Variants in PDZD2 observed in about 807,000 individuals in gnomAD.
PDZD2 encodes PDZ domain containing 2.
PDZD2 carries 90 observed loss-of-function variants against 220.7 expected under a neutral mutation model. The observed-to-expected ratio is 0.41, with a 90% confidence interval of 0.34 to 0.49. The LOEUF is 0.49. Among genes scored for constraint, PDZD2 ranks in the 20% least tolerant of loss-of-function variants. The pLI is 0.28. For missense variants in PDZD2, 3,174 were observed against 3,608.5 expected (o/e 0.88, Z 3.08); for synonymous variants, 1,375 against 1,450.5 (o/e 0.95, Z 1.18).
At chr5:31,904,673 G>A (rs922987440) in intron 2 of PDZD2, among the ~76,000 whole-genome samples, 1 of 151,470 alleles carries the variant, frequency 6.6e-6, no homozygotes, top group African/African-American at 2.4e-5. Flanking sequence ...GACTACAGGC[G>A]CCCACCACCA....
intron 6 of PDZD2, among the ~76,000 whole-genome samples, chr5:32,030,795 T>C (rs1755057855): frequency 1.3e-5 from 2 of 152,214 alleles, no homozygotes; most frequent in South Asian, 4.1e-4. Context: ...CATCAAGTTC[T>C]AGCCTATTCT....
chr5:32,007,203 C>T (rs1752897729), intron 5 of PDZD2, among the ~76,000 whole-genome samples: 1 of 151,842 alleles, frequency 6.6e-6, no homozygotes, highest in African/African-American at 2.4e-5. Flanking sequence ...CAGGCTTGAG[C>T]CACCGCGCCC....
chr5:31,730,705 T>A (rs1438137216), intron 1 of PDZD2, among the ~76,000 whole-genome samples: 2 of 151,990 alleles, frequency 1.3e-5, no homozygotes, highest in Non-Finnish European at 2.9e-5. Context: ...TTCAGGACGG[T>A]CTTGGAATGA....
chr5:31,658,385 T>C (rs1227139398), intron 1 of PDZD2, among the ~76,000 whole-genome samples: 1 of 152,234 alleles, frequency 6.6e-6, no homozygotes, highest in African/African-American at 2.4e-5. Context: ...TTCCTGCTTC[T>C]GAGAAAATTT....
At chr5:31,706,893 C>A (rs1012892653) in intron 1 of PDZD2, among the ~76,000 whole-genome samples, 1 of 150,582 alleles carries the variant, frequency 6.6e-6, no homozygotes, top group African/African-American at 2.4e-5. Flanking sequence ...AGACCTATAA[C>A]CTCTGTTTTG....
At chr5:31,986,244 T>A (rs1039113436) in intron 3 of PDZD2, among the ~76,000 whole-genome samples, 25 of 152,204 alleles carry the variant, frequency 1.6e-4, no homozygotes, top group South Asian at 8.3e-4. Context: ...GCATTTTTTT[T>A]AAAAAGCCGC....
intron 2 of PDZD2, among the ~76,000 whole-genome samples, chr5:31,942,305 A>C (rs1472398249): frequency 6.6e-6 from 1 of 152,184 alleles, no homozygotes; most frequent in Non-Finnish European, 1.5e-5. Context: ...TGCAAGGTTT[A>C]GAGATGTATT....
Position 31,955,369 on chromosome 5 carries a change from C to T in PDZD2, c.477-27786C>T, listed in dbSNP as rs186442393. ...AGGCTGCAGTGCAGTGGCATGATCT[C>T]GGCTCACTGCATCTTCTGCCTCCCA... On this transcript the variant is annotated intron_variant, in intron 2 of 24. Coordinates refer to ENST00000438447, the MANE Select transcript of PDZD2 (RefSeq NM_178140.4). Among the ~76,000 whole-genome samples, 292 of 151,930 alleles carry T rather than the reference C, an allele frequency of 1.9e-3. 2 individuals carry two copies. The highest frequency in any genetic ancestry group is 3.2e-3 in the Non-Finnish European group (218 of 67,964).
chr5:32,088,592 C>A lies in PDZD2; in HGVS notation c.5144C>A (p.Ala1715Asp). The A allele has an allele frequency of 6.2e-7, 1 of 1,614,150 alleles. No homozygotes were observed. Among genetic ancestry groups the A allele is most frequent in the Non-Finnish European group, 8.5e-7 (1 of 1,179,998 alleles). Residue 1715 changes from alanine (A) to aspartate (D), a missense_variant, in exon 20 of 25, where the codon GCC becomes GAC. By Grantham distance (126) the Ala-to-Asp change is moderately radical. This residue lies in a region of PDZD2 where 1,861 missense variants were observed against 2,001.0 expected (regional missense o/e 0.93). Transcript: ENST00000438447. The surrounding 1 kb of genome is among the most constrained non-coding windows in gnomAD (Gnocchi z 4.6). The stretch of plus-strand genomic sequence containing the variant: ...GAAAACAGTCCGCTGTCTAAAGTAG[C>A]CAGGCATTTTCACAGTCCGCCCATC... ...AMENSPLSKV[A>D]RHFHSPPIIL...
chr5:32,069,686 A>G (rs780870291), intron 15 of PDZD2, 36 bp downstream of exon 15: 7 of 1,039,048 alleles, frequency 6.7e-6, no homozygotes, highest in Non-Finnish European at 1.5e-6. Flanking sequence ...AACATTCAGA[A>G]GAGTTTCTCA....
intron 1 of PDZD2, among the ~76,000 whole-genome samples, chr5:31,765,142 A>G (rs1041276788): frequency 2.4e-4 from 37 of 151,970 alleles, no homozygotes; most frequent in Admixed American, 2.4e-3. Flanking sequence ...TCTCAGGCCC[A>G]TTGCTGATGG....
chr5:31,924,392 G>C (rs547514289), intron 2 of PDZD2, among the ~76,000 whole-genome samples: 1 of 152,274 alleles, frequency 6.6e-6, no homozygotes, highest in Admixed American at 6.5e-5. Flanking sequence ...TCCATGATGG[G>C]GAGAAGCTTG....
intron 1 of PDZD2, among the ~76,000 whole-genome samples, chr5:31,752,348 A>C (rs1473757511): frequency 1.3e-5 from 2 of 152,076 alleles, no homozygotes; most frequent in African/African-American, 4.8e-5. Context: ...CAAGAGTTCA[A>C]GACCAGGCTG....
Position 32,057,705 on chromosome 5 carries a change from C to T in PDZD2, c.1951C>T (p.Gln651Ter). 1 of 1,592,882 alleles carries T rather than the reference C, an allele frequency of 6.3e-7. No homozygotes were observed. The highest frequency in any genetic ancestry group is 8.6e-7 in the Non-Finnish European group (1 of 1,161,670). ...AATACCAATAAAGGGCTTGACATTT[C>T]AAGAAGCCATTCATACCTTTAAGGT... The part of the protein sequence containing the change: ...NGIPIKGLTF[Q>*]EAIHTFKQIR... The change falls in exon 11 of 25, where the codon CAA becomes TAA. Residue 651 changes from glutamine (Q) to a stop codon, truncating the protein, a stop_gained. Transcript: ENST00000438447. LOFTEE classifies it high-confidence loss of function.
chr5:31,749,752 C>G (rs540336680), intron 1 of PDZD2, among the ~76,000 whole-genome samples: 6 of 152,156 alleles, frequency 3.9e-5, no homozygotes, highest in African/African-American at 1.4e-4. Context: ...TCTTCACCTT[C>G]CTGGTGCTCA....
chr5:32,024,682 C>A (rs1978457), intron 6 of PDZD2, among the ~76,000 whole-genome samples: 2,104 of 32,810 alleles, frequency 0.064, 168 homozygotes, highest in South Asian at 0.14. Flanking sequence ...GACTTCATCT[C>A]AAAAAAAAAA....
At chr5:31,957,084 T>C (rs1747779869) in intron 2 of PDZD2, among the ~76,000 whole-genome samples, 1 of 152,200 alleles carries the variant, frequency 6.6e-6, no homozygotes, top group African/African-American at 2.4e-5. Flanking sequence ...AAAACAGTTC[T>C]GATTCTCTAT....
intron 2 of PDZD2, among the ~76,000 whole-genome samples, chr5:31,959,793 G>C (rs1020528671): frequency 1.8e-4 from 27 of 152,306 alleles, no homozygotes; most frequent in African/African-American, 6.0e-4. Context: ...GACAGTTCTA[G>C]AGACTTGAAG....
At position 31,852,046 on chromosome 5, in the gene PDZD2, G is replaced by A. The variant is rs550552194; in HGVS notation, c.476+52322G>A. ...TAATTTTTATGTTTTCAGTAGAGAC[G>A]GGGTTTCACCATGTTGGGCAGGCTG... On this transcript the variant is annotated intron_variant, in intron 2 of 24. Transcript: ENST00000438447. Among the ~76,000 whole-genome samples the A allele has an allele frequency of 1.2e-4, 19 of 152,070 alleles. 1 individual carries two copies. The East Asian group carries it at 1.9e-3, about 16-fold the overall frequency.
Sources: gnomAD v4.1 joint callset for allele counts (sites outside exome capture counted in the v4.1 genomes callset) on GRCh38, gnomAD v4.1.1 for gene constraint, gnomAD v4.1.1 regional missense constraint, Gnocchi (gnomAD v3.1) non-coding constraint, MANE v1.5 for transcripts, NCBI Gene and HGNC (gene_info 2026-07-23, HGNC 2026-07-21) for gene names.